GPATCH2L: variants seen among roughly 807,000 people sequenced by gnomAD.
GPATCH2L encodes the protein G patch domain-containing protein 2-like.
In GPATCH2L, 31 loss-of-function variants were observed where a neutral mutation model predicts 57.4. The ratio of observed to expected loss-of-function variants is 0.54; its 90% confidence interval spans 0.41 to 0.73. The LOEUF (loss-of-function observed/expected upper bound fraction) is 0.73. Among genes scored for constraint, GPATCH2L ranks in the 30% least tolerant of loss-of-function variants. The pLI is 0.00. For missense variants in GPATCH2L, 481 were observed against 599.9 expected, an observed-to-expected ratio of 0.80 and a Z score of 2.07; for synonymous variants, 199 against 210.7, an observed-to-expected ratio of 0.94 and a Z score of 0.48.
In GPATCH2L at chr14:76,202,723, C is replaced by CT. The variant is rs2040330460; in HGVS notation, c.*873dup. 1 of 152,614 alleles carries CT rather than the reference C, an allele frequency of 6.6e-6. No individual in the cohort carries two copies. Among genetic ancestry groups the CT allele is most frequent in the Non-Finnish European group, 1.5e-5 (1 of 68,052 alleles). The allele number at this position is 152,614 out of a possible 1,614,324, so 9.5% of individuals were successfully genotyped here. A position where few individuals can be genotyped will look rare whatever the true frequency, so the allele number is the denominator to read the frequency against. Reference sequence around the variant, plus strand: ...ATAACCTGCAGCAGAAATTCATACTCTATTATAATAATGGCTTCTTGGGGC... The same window carrying CT: ...ATAACCTGCAGCAGAAATTCATACTCTTATTATAATAATGGCTTCTTGGGGC... On this transcript the variant is annotated 3_prime_UTR_variant, in exon 10 of 10. Transcript: ENST00000261530.
downstream of GPATCH2L, among the ~76,000 whole-genome samples, chr14:76,216,201 T>G (rs2040489034): frequency 1.3e-5 from 2 of 152,134 alleles, no homozygotes; most frequent in South Asian, 2.1e-4. Flanking sequence ...GAAAATTGCC[T>G]TTCTTGACCT....
rs1046789597 is a variant in GPATCH2L, at chr14:76,211,711, T to G, written c.*9860T>G. 1 of 152,170 alleles carries G rather than the reference T, an allele frequency of 6.6e-6. No homozygotes were observed. Among genetic ancestry groups the G allele is most frequent in the Non-Finnish European group, 1.5e-5 (1 of 68,030 alleles). The allele number at this position is 152,170 out of a possible 1,614,324, so 9.4% of individuals were successfully genotyped here. A position where few individuals can be genotyped will look rare whatever the true frequency, so the allele number is the denominator to read the frequency against. ...ATTTACACCTTTTGGACTGAACACC[T>G]TAGCAATCATTGATATTTTAAGCCT... On this transcript the variant is annotated 3_prime_UTR_variant, in exon 10 of 10. Coordinates refer to ENST00000261530, the MANE Select transcript of GPATCH2L (RefSeq NM_017926.4).
In GPATCH2L at chr14:76,173,560, T is replaced by C. The variant is rs763051565; in HGVS notation, c.919T>C (p.Leu307=). 2 of 1,612,290 alleles carry C rather than the reference T, an allele frequency of 1.2e-6. No homozygotes were observed. Among genetic ancestry groups the C allele is most frequent in the Admixed American group, 1.7e-5 (1 of 59,798 alleles). ...TCTTTTTTTAGGGTACCATACTCGCTTGAATCGTCTACCTGGAGCTGCAGC... is the reference window on the plus strand; with the variant it reads ...TCTTTTTTTAGGGTACCATACTCGCCTGAATCGTCTACCTGGAGCTGCAGC... ...RPAQRGYHTR[L]NRLPGAAARC... is the part of the protein sequence containing the mutation. The change falls in exon 5 of 10, where the codon TTG becomes CTG. Residue 307 remains leucine (L), a synonymous_variant. Coordinates refer to ENST00000261530, the MANE Select transcript of GPATCH2L (RefSeq NM_017926.4).
intron 1 of GPATCH2L, among the ~76,000 whole-genome samples, chr14:76,228,942 T>C (rs1439207278): frequency 6.6e-6 from 1 of 152,220 alleles, no homozygotes; most frequent in Non-Finnish European, 1.5e-5. Context: ...GAATAATCAA[T>C]GATGCTGTGT....
At chr14:76,223,355 A>ACG (rs545115054) in intron 1 of GPATCH2L, among the ~76,000 whole-genome samples, 1 of 152,218 alleles carries the variant, frequency 6.6e-6, no homozygotes, top group Non-Finnish European at 1.5e-5. Context: ...TTTTCAACAA[A>ACG]CTATCTGGGA....
chr14:76,166,329 G>A (rs2038835623), intron 2 of GPATCH2L, among the ~76,000 whole-genome samples: 1 of 152,164 alleles, frequency 6.6e-6, no homozygotes, highest in Non-Finnish European at 1.5e-5. Context: ...GAATAAAATT[G>A]TTTGGTAAAT....
intron 7 of GPATCH2L, chr14:76,178,293 A>G (rs1210149035): frequency 7.1e-6 from 10 of 1,409,684 alleles, no homozygotes; most frequent in Non-Finnish European, 8.5e-6. Flanking sequence ...GAGAAGTACT[A>G]TGTTGAAGCC....
Position 76,154,326 on chromosome 14 carries a change from C to CT in GPATCH2L, c.-10-21dup. Reference sequence around the variant, plus strand: ...CTTTTTCTTTTTCTTTTCTTTCTTTCTTTTTTTCCTAAACTTCCTTTTGGC... The same window carrying CT: ...CTTTTTCTTTTTCTTTTCTTTCTTTCTTTTTTTTCCTAAACTTCCTTTTGGC... On this transcript the variant is annotated intron_variant, in intron 1 of 9. Coordinates refer to ENST00000261530, the MANE Select transcript of GPATCH2L (RefSeq NM_017926.4). This position sits in a 1 kb window ranked among gnomAD's most constrained non-coding sequence, Gnocchi z 4.4. 1.3e-6 allele frequency: 2 copies of CT among 1,509,030 alleles called. No individual in the cohort carries two copies. The highest frequency in any genetic ancestry group is 8.9e-7 in the Non-Finnish European group (1 of 1,119,364). 93.5% of individuals were successfully genotyped at this position (1,509,030 alleles called of 1,614,324 possible).
At chr14:76,198,761 T>G (rs1340222465) in intron 9 of GPATCH2L, among the ~76,000 whole-genome samples, 1 of 150,122 alleles carries the variant, frequency 6.7e-6, no homozygotes, top group East Asian at 2.0e-4. Context: ...TTGTCAAATG[T>G]ATTGTCAGAT....
At chr14:76,232,943 C>T (rs1408444868) in intron 2 of GPATCH2L, among the ~76,000 whole-genome samples, 3 of 152,192 alleles carry the variant, frequency 2.0e-5, no homozygotes, top group South Asian at 4.1e-4. Flanking sequence ...CCAATGTCCC[C>T]ATCATAAATC....
In GPATCH2L at chr14:76,213,957, A is replaced by G. The variant is rs1359290448; in HGVS notation, c.*12106A>G. The G allele has an allele frequency of 6.6e-6, 1 of 152,192 alleles. No homozygotes were observed. The highest frequency in any genetic ancestry group is 2.4e-5 in the African/African-American group (1 of 41,438). 9.4% of individuals were successfully genotyped at this position (152,192 alleles called of 1,614,324 possible). Reference sequence around the variant, plus strand: ...TCTGGGTTTTCTGTTCCACTGGTCTACTTGTGCATGGTACCACACTGTTTT... The same window carrying G: ...TCTGGGTTTTCTGTTCCACTGGTCTGCTTGTGCATGGTACCACACTGTTTT... On this transcript the variant is annotated 3_prime_UTR_variant, in exon 10 of 10. Coordinates refer to ENST00000261530, the MANE Select transcript of GPATCH2L (RefSeq NM_017926.4).
At chr14:76,184,387 G>T (rs1433037775) in intron 8 of GPATCH2L, among the ~76,000 whole-genome samples, 1 of 151,600 alleles carries the variant, frequency 6.6e-6, no homozygotes, top group Non-Finnish European at 1.5e-5. Context: ...AGCTGAGGCT[G>T]CTTCTTGCCT....
At chr14:76,221,409 A>G (rs1330492637) in intron 1 of GPATCH2L, among the ~76,000 whole-genome samples, 1 of 152,230 alleles carries the variant, frequency 6.6e-6, no homozygotes, top group Non-Finnish European at 1.5e-5. Flanking sequence ...GGCATGAAAA[A>G]TGGCACAGCT....
At chr14:76,222,611 A>G (rs886528666) in intron 1 of GPATCH2L, among the ~76,000 whole-genome samples, 3 of 152,100 alleles carry the variant, frequency 2.0e-5, no homozygotes, top group African/African-American at 7.2e-5. Flanking sequence ...CTGTAACAAC[A>G]ACAAACCCAA....
At chr14:76,152,962 C>T (rs990077166) in intron 1 of GPATCH2L, 23 of 354,628 alleles carry the variant, frequency 6.5e-5, no homozygotes, top group African/African-American at 3.9e-4. Flanking sequence ...CATTTTTTCC[C>T]CTTCTTTTCA....
chr14:76,179,704 C>G (rs2039482554), intron 7 of GPATCH2L: 2 of 152,118 alleles, frequency 1.3e-5, no homozygotes, highest in Admixed American at 1.3e-4. Context: ...GTATTAAGTT[C>G]TAAACTTTTT....
chr14:76,200,912 T>C (rs2040294278), intron 9 of GPATCH2L, among the ~76,000 whole-genome samples: 1 of 152,282 alleles, frequency 6.6e-6, no homozygotes, highest in Non-Finnish European at 1.5e-5. Context: ...ATGATGGTGG[T>C]TTGTGCCACT....
chr14:76,157,579 GTGGTATTGAGGGT>G (rs895773287), intron 2 of GPATCH2L, among the ~76,000 whole-genome samples: 1 of 152,114 alleles, frequency 6.6e-6, no homozygotes, highest in Admixed American at 6.5e-5. Flanking sequence ...CTTTTTAGCA[GTGGTATTGAGGGT>G]TGTCAGAGTA....
chr14:76,161,322 C>CTTTAT (rs10668526), intron 2 of GPATCH2L, among the ~76,000 whole-genome samples: 116,304 of 151,626 alleles, frequency 0.77, 45,607 homozygotes, highest in South Asian at 0.88. Context: ...AAGCCATAAA[C>CTTTAT]TTTAAGATAT....
Sources: allele counts gnomAD v4.1 joint callset (sites outside exome capture counted in the v4.1 genomes callset), GRCh38; gene constraint gnomAD v4.1.1; non-coding constraint Gnocchi (gnomAD v3.1); transcripts MANE v1.5; gene names NCBI Gene and HGNC (gene_info 2026-07-23, HGNC 2026-07-21).